The following ULK4 variants were observed in gnomAD, a reference collection of about 807,000 sequenced individuals.
ULK4 encodes inactive serine/threonine-protein kinase ULK4.
In ULK4, 133 loss-of-function variants were observed where a neutral mutation model predicts 160.6. The observed-to-expected ratio is 0.83, with a 90% CI of 0.72 to 0.96. The LOEUF (loss-of-function observed/expected upper bound fraction) is 0.96, where lower values mean the gene tolerates loss of function less well. Ranked by LOEUF, ULK4 falls within the 40% of genes least tolerant of loss-of-function variation. The pLI is 0.00. For missense variants in ULK4, 1,580 were observed against 1,499.5 expected, an observed-to-expected ratio of 1.05 and a Z score of -0.89; for synonymous variants, 534 against 539.8, an observed-to-expected ratio of 0.99 and a Z score of 0.15.
intron 35 of ULK4, among the ~76,000 whole-genome samples, chr3:41,325,013 C>A (rs750541494): frequency 4.0e-5 from 6 of 151,850 alleles, no homozygotes; most frequent in Non-Finnish European, 7.4e-5. Context: ...CAAATGAGAT[C>A]ATCTACACCA....
chr3:41,308,081 C>T (rs1048376115), intron 35 of ULK4, among the ~76,000 whole-genome samples: 1 of 152,066 alleles, frequency 6.6e-6, no homozygotes, highest in Non-Finnish European at 1.5e-5. Flanking sequence ...CAGGGACAGC[C>T]GAGGAAGCTT....
At chr3:41,434,973 C>G (rs1383213251) in intron 34 of ULK4, among the ~76,000 whole-genome samples, 2 of 152,164 alleles carry the variant, frequency 1.3e-5, no homozygotes, top group Admixed American at 6.5e-5. Context: ...TTGTAATTAT[C>G]TTGGCCTCCA....
At chr3:41,532,279 G>A (rs1312750355) in intron 32 of ULK4, among the ~76,000 whole-genome samples, 1 of 152,056 alleles carries the variant, frequency 6.6e-6, no homozygotes, top group Non-Finnish European at 1.5e-5. Context: ...CTTCCCCTGG[G>A]TATCTGCATG....
intron 34 of ULK4, among the ~76,000 whole-genome samples, chr3:41,406,447 T>G (rs1421020882): frequency 6.6e-6 from 1 of 152,230 alleles, no homozygotes; most frequent in African/African-American, 2.4e-5. Context: ...CTTTAGCTAT[T>G]TGAGCTCTTT....
intron 19 of ULK4, among the ~76,000 whole-genome samples, chr3:41,810,142 C>T (rs527466337): frequency 4.6e-5 from 7 of 152,242 alleles, no homozygotes; most frequent in African/African-American, 1.7e-4. Context: ...AGACACTGCC[C>T]TGTCTTCATT....
At chr3:41,481,350 C>A (rs1283131786) in intron 32 of ULK4, among the ~76,000 whole-genome samples, 1 of 152,182 alleles carries the variant, frequency 6.6e-6, no homozygotes, top group Non-Finnish European at 1.5e-5. Flanking sequence ...GTTCAGGTGT[C>A]AGAGGTGTTT....
intron 25 of ULK4, among the ~76,000 whole-genome samples, chr3:41,707,414 G>A (rs1002001184): frequency 6.6e-6 from 1 of 152,130 alleles, no homozygotes; most frequent in African/African-American, 2.4e-5. Context: ...GGAAACAACA[G>A]AGTGAAGAGA....
chr3:41,925,550 C>G (rs1449642965), intron 5 of ULK4, among the ~76,000 whole-genome samples: 1 of 152,106 alleles, frequency 6.6e-6, no homozygotes, highest in Non-Finnish European at 1.5e-5. Flanking sequence ...GCCAGAGAGA[C>G]AGGACCGTTC....
At chr3:41,305,192 C>CTCTCCCCACGG (rs1553640998) in intron 35 of ULK4, among the ~76,000 whole-genome samples, 2 of 109,610 alleles carry the variant, frequency 1.8e-5, no homozygotes, top group African/African-American at 3.9e-5. Context: ...AGGGCTCTCC[C>CTCTCCCCACGG]TCTCCCTCTC....
At chr3:41,389,231 C>G (rs1211347296) in intron 35 of ULK4, among the ~76,000 whole-genome samples, 22 of 152,076 alleles carry the variant, frequency 1.4e-4, no homozygotes, top group East Asian at 3.9e-4. Context: ...TGTATCCTGA[C>G]ACTTTGCTGA....
At chr3:41,356,387 G>A (rs2081029905) in intron 35 of ULK4, among the ~76,000 whole-genome samples, 1 of 152,134 alleles carries the variant, frequency 6.6e-6, no homozygotes, top group Non-Finnish European at 1.5e-5. Context: ...AGTCTCTCCT[G>A]TCTCCAAATT....
chr3:41,685,116 TC>T (rs1296549680), intron 27 of ULK4, among the ~76,000 whole-genome samples: 1 of 152,196 alleles, frequency 6.6e-6, no homozygotes, highest in African/African-American at 2.4e-5. Flanking sequence ...TTTATTATTT[TC>T]CCCTCCATGA....
intron 16 of ULK4, among the ~76,000 whole-genome samples, chr3:41,886,681 T>C (rs1697733689): frequency 6.6e-6 from 1 of 151,942 alleles, no homozygotes; most frequent in African/African-American, 2.4e-5. Flanking sequence ...GTTCAAGCCA[T>C]TCTCCTGCCT....
chr3:41,305,548 G>T (rs2079893018), intron 35 of ULK4, among the ~76,000 whole-genome samples: 1 of 152,230 alleles, frequency 6.6e-6, no homozygotes, highest in Non-Finnish European at 1.5e-5. Context: ...CTGGAGTGCA[G>T]TGGCGTGATC....
At chr3:41,692,885 C>T (rs2036358088) in intron 27 of ULK4, among the ~76,000 whole-genome samples, 1 of 152,156 alleles carries the variant, frequency 6.6e-6, no homozygotes, top group Admixed American at 6.5e-5. Flanking sequence ...TACATATGCA[C>T]ATTAGCTTCT....
At chr3:41,579,691 AC>A (rs2030110824) in intron 31 of ULK4, among the ~76,000 whole-genome samples, 1 of 151,556 alleles carries the variant, frequency 6.6e-6, no homozygotes, top group Non-Finnish European at 1.5e-5. Flanking sequence ...ACGGGGTTTC[AC>A]CGTGTTAGCC....
intron 22 of ULK4, among the ~76,000 whole-genome samples, chr3:41,749,798 T>C (rs1174872190): frequency 6.6e-6 from 1 of 152,134 alleles, no homozygotes; most frequent in Non-Finnish European, 1.5e-5. Flanking sequence ...AAACTCATTT[T>C]CTCTGACTGA....
At chr3:41,688,383 C>T (rs1297200894) in intron 27 of ULK4, among the ~76,000 whole-genome samples, 3 of 152,154 alleles carry the variant, frequency 2.0e-5, no homozygotes, top group Non-Finnish European at 4.4e-5. Context: ...GTGGAACCCC[C>T]ATCCCTAAAA....
At chr3:41,333,863 T>G (rs1306246382) in intron 35 of ULK4, among the ~76,000 whole-genome samples, 3 of 152,168 alleles carry the variant, frequency 2.0e-5, no homozygotes, top group African/African-American at 7.2e-5. Flanking sequence ...GTGGCTCAAC[T>G]GACTCCAAAG....
Sources: allele counts gnomAD v4.1 joint callset (sites outside exome capture counted in the v4.1 genomes callset), GRCh38; gene constraint gnomAD v4.1.1; transcripts MANE v1.5; gene names NCBI Gene and HGNC (gene_info 2026-07-23, HGNC 2026-07-21).